KCNQ5: variants seen among roughly 807,000 people sequenced by gnomAD.
KCNQ5 encodes the protein potassium voltage-gated channel subfamily Q member 5, also known as potassium voltage-gated channel subfamily KQT member 5.
In KCNQ5, 30 loss-of-function variants were observed where a neutral mutation model predicts 98.2. That is an observed-to-expected ratio of 0.31 (90% CI 0.23 to 0.41). KCNQ5 has a LOEUF of 0.41. KCNQ5 is among the 10% of genes least tolerant of loss of function. KCNQ5 has a pLI of 1.00. For synonymous variants in KCNQ5, 458 were observed against 449.4 expected (o/e 1.02, Z -0.24); for missense variants, 835 against 1,182.5 (o/e 0.71, Z 4.31).
At chr6:72,921,804 C>T (rs1210568719) in intron 1 of KCNQ5, among the ~76,000 whole-genome samples, 1 of 152,086 alleles carries the variant, frequency 6.6e-6, no homozygotes, top group Non-Finnish European at 1.5e-5. Context: ...GAAAATTTCC[C>T]AGTGGACCAA....
At chr6:72,877,778 T>A (rs1196478994) in intron 1 of KCNQ5, among the ~76,000 whole-genome samples, 2 of 152,246 alleles carry the variant, frequency 1.3e-5, no homozygotes, top group African/African-American at 4.8e-5. Context: ...TGAGATGGTA[T>A]CTTGTTGTTT....
chr6:72,625,186 A>C (rs1470153739), intron 1 of KCNQ5, among the ~76,000 whole-genome samples: 1 of 152,176 alleles, frequency 6.6e-6, no homozygotes, highest in African/African-American at 2.4e-5. Context: ...GGTAAATATA[A>C]ATTTCTATTA....
intron 5 of KCNQ5, among the ~76,000 whole-genome samples, chr6:73,090,186 G>T (rs1774178832): frequency 6.6e-6 from 1 of 151,768 alleles, no homozygotes; most frequent in African/African-American, 2.4e-5. Context: ...TTTTTCATGT[G>T]TCTTGGCCAT....
intron 1 of KCNQ5, among the ~76,000 whole-genome samples, chr6:72,899,587 G>T (rs1434671325): frequency 6.6e-6 from 1 of 151,552 alleles, no homozygotes; most frequent in Non-Finnish European, 1.5e-5. Context: ...AATTTACTTT[G>T]GTTTACTTAT....
intron 1 of KCNQ5, among the ~76,000 whole-genome samples, chr6:72,979,778 A>G (rs1768344982): frequency 6.6e-6 from 1 of 152,168 alleles, no homozygotes; most frequent in South Asian, 2.1e-4. Context: ...GGTAATGCCT[A>G]GGTTTTCTTC....
intron 1 of KCNQ5, chr6:72,807,011 T>C: frequency 4.2e-6 from 1 of 236,458 alleles, no homozygotes; most frequent in Non-Finnish European, 8.5e-6. Flanking sequence ...TGGACATTTG[T>C]CAATGAGAAT....
chr6:72,915,522 A>G (rs572337962), intron 1 of KCNQ5, among the ~76,000 whole-genome samples: 13 of 152,314 alleles, frequency 8.5e-5, no homozygotes, highest in African/African-American at 2.6e-4. Flanking sequence ...TCCCAAATAA[A>G]TATTCCTTAA....
At chr6:72,907,331 A>G (rs1356299799) in intron 1 of KCNQ5, among the ~76,000 whole-genome samples, 1 of 152,214 alleles carries the variant, frequency 6.6e-6, no homozygotes, top group African/African-American at 2.4e-5. Context: ...AAATAAATAA[A>G]TAATAAAAGT....
At chr6:72,804,057 C>T (rs946296898) in intron 1 of KCNQ5, among the ~76,000 whole-genome samples, 1 of 151,954 alleles carries the variant, frequency 6.6e-6, no homozygotes, top group African/African-American at 2.4e-5. Flanking sequence ...AAATGCTTTA[C>T]AGTATACTTT....
At chr6:72,793,012 A>G (rs1774141154) in intron 1 of KCNQ5, among the ~76,000 whole-genome samples, 1 of 152,180 alleles carries the variant, frequency 6.6e-6, no homozygotes, top group African/African-American at 2.4e-5. Flanking sequence ...TTTATGGGTG[A>G]GACATTTTCA....
At chr6:73,096,727 C>G (rs1424086518) in intron 5 of KCNQ5, among the ~76,000 whole-genome samples, 1 of 152,098 alleles carries the variant, frequency 6.6e-6, no homozygotes, top group Admixed American at 6.6e-5. Context: ...TTAACATATC[C>G]ACCACTTCAA....
At position 73,052,678 on chromosome 6, in the gene KCNQ5, C is replaced by T. The variant is rs529397400; in HGVS notation, c.616+10616C>T. Among the ~76,000 whole-genome samples, 9 of 152,228 alleles carry T rather than the reference C, an allele frequency of 5.9e-5. No individual in the cohort carries two copies. The East Asian group carries it at 1.4e-3, about 23-fold the overall frequency. On this transcript the variant is annotated intron_variant, in intron 3 of 13. Transcript: ENST00000370398. ...AAGGAGAAATAAGATTCTTTTCAGG[C>T]GAGCAAATGCTAAGGGAATTCATTA...
intron 1 of KCNQ5, among the ~76,000 whole-genome samples, chr6:72,741,246 G>T (rs1310838646): frequency 6.6e-6 from 1 of 152,208 alleles, no homozygotes; most frequent in Non-Finnish European, 1.5e-5. Context: ...GTGTCAAAGT[G>T]TCACATCAGT....
intron 1 of KCNQ5, among the ~76,000 whole-genome samples, chr6:72,720,324 A>C (rs768613855): frequency 3.3e-5 from 5 of 152,232 alleles, no homozygotes; most frequent in Non-Finnish European, 5.9e-5. Context: ...GACAGATGAC[A>C]AAACTCCCAG....
At chr6:73,155,465 G>C (rs1384277758) in intron 10 of KCNQ5, among the ~76,000 whole-genome samples, 1 of 152,176 alleles carries the variant, frequency 6.6e-6, no homozygotes, top group Non-Finnish European at 1.5e-5. Context: ...AATGTCCAAT[G>C]ATGATGATGC....
intron 1 of KCNQ5, among the ~76,000 whole-genome samples, chr6:72,948,302 A>C (rs555735371): frequency 2.6e-5 from 4 of 152,156 alleles, no homozygotes; most frequent in African/African-American, 9.6e-5. Context: ...GCTAGCTTAC[A>C]AATCCAACTG....
intron 1 of KCNQ5, among the ~76,000 whole-genome samples, chr6:72,803,489 A>G (rs1774773508): frequency 6.6e-6 from 1 of 152,140 alleles, no homozygotes; most frequent in Non-Finnish European, 1.5e-5. Flanking sequence ...TAGAGCTTAT[A>G]CCAGCTAGTT....
intron 1 of KCNQ5, among the ~76,000 whole-genome samples, chr6:72,657,461 T>C (rs1016582488): frequency 6.6e-6 from 1 of 152,194 alleles, no homozygotes; most frequent in Non-Finnish European, 1.5e-5. Flanking sequence ...AGATACTTTT[T>C]CAATGAAATA....
chr6:72,788,029 C>T (rs1026077704), intron 1 of KCNQ5, among the ~76,000 whole-genome samples: 3 of 152,180 alleles, frequency 2.0e-5, no homozygotes, highest in Admixed American at 6.5e-5. Flanking sequence ...CCAATTGCTG[C>T]TTTTCTTGGG....
Sources: allele counts gnomAD v4.1 joint callset (sites outside exome capture counted in the v4.1 genomes callset), GRCh38; gene constraint gnomAD v4.1.1; transcripts MANE v1.5; gene names NCBI Gene and HGNC (gene_info 2026-07-23, HGNC 2026-07-21).